The following LRRC4C variants were observed in gnomAD, a reference collection of about 807,000 sequenced individuals.
LRRC4C encodes the protein leucine-rich repeat-containing protein 4C.
In LRRC4C, 5 loss-of-function variants were observed where a neutral mutation model predicts 33.6. The observed-to-expected ratio is 0.15, with a 90% CI of 0.08 to 0.31. The LOEUF (loss-of-function observed/expected upper bound fraction) is 0.31, where lower values mean the gene tolerates loss of function less well. Among genes scored for constraint, LRRC4C ranks in the 10% least tolerant of loss-of-function variants. The probability of loss-of-function intolerance (pLI) is 1.00; values close to 1 mark genes in which losing one functional copy is unlikely to be tolerated. For synonymous variants in LRRC4C, 329 were observed against 302.0 expected (o/e 1.09, Z -0.93); for missense variants, 560 against 796.7 (o/e 0.70, Z 3.58).
At chr11:40,934,226 C>T (rs188049256) in intron 1 of LRRC4C, among the ~76,000 whole-genome samples, 41 of 152,184 alleles carry the variant, frequency 2.7e-4, no homozygotes, top group Admixed American at 2.2e-3. Flanking sequence ...TTCTTTAATA[C>T]CCAGCTGAAA....
At chr11:40,775,921 G>A (rs991646074) in intron 2 of LRRC4C, among the ~76,000 whole-genome samples, 3 of 152,056 alleles carry the variant, frequency 2.0e-5, no homozygotes, top group African/African-American at 4.8e-5. Flanking sequence ...GTCATAGATG[G>A]GAGTCATTAT....
At chr11:40,957,985 C>T (rs879790741) in intron 1 of LRRC4C, among the ~76,000 whole-genome samples, 5 of 151,666 alleles carry the variant, frequency 3.3e-5, no homozygotes, top group East Asian at 3.9e-4. Context: ...GAGGTGATTA[C>T]GTCCTAAGGG....
chr11:41,093,418 G>A (rs1940571717), intron 1 of LRRC4C, among the ~76,000 whole-genome samples: 1 of 152,180 alleles, frequency 6.6e-6, no homozygotes, highest in African/African-American at 2.4e-5. Context: ...TATGGTGGCA[G>A]CACACAAATT....
intron 3 of LRRC4C, among the ~76,000 whole-genome samples, chr11:40,325,660 A>G (rs1381034498): frequency 6.6e-6 from 1 of 151,980 alleles, no homozygotes. Context: ...CATATTTGCT[A>G]GGATTATATT....
intron 1 of LRRC4C, among the ~76,000 whole-genome samples, chr11:41,424,182 T>C (rs1954962972): frequency 6.6e-6 from 1 of 151,984 alleles, no homozygotes; most frequent in African/African-American, 2.4e-5. Context: ...CATATAAACA[T>C]GTAGCCCTAG....
At chr11:40,809,163 C>T (rs761671463) in intron 2 of LRRC4C, among the ~76,000 whole-genome samples, 1 of 152,134 alleles carries the variant, frequency 6.6e-6, no homozygotes, top group African/African-American at 2.4e-5. Flanking sequence ...TAAAACTTCT[C>T]AAAATAGTTT....
chr11:40,567,530 G>A (rs1278171707), intron 3 of LRRC4C, among the ~76,000 whole-genome samples: 3 of 152,188 alleles, frequency 2.0e-5, no homozygotes, highest in Admixed American at 2.0e-4. Context: ...GCTGATAAGT[G>A]GTCCAGATGG....
chr11:40,545,148 C>A (rs1466389958), intron 3 of LRRC4C, among the ~76,000 whole-genome samples: 1 of 152,040 alleles, frequency 6.6e-6, no homozygotes, highest in Non-Finnish European at 1.5e-5. Flanking sequence ...CATATTTTCA[C>A]AGCACTCTAC....
At chr11:40,696,289 T>TATATATATACACATATATATATATGAG (rs1945514059) in intron 2 of LRRC4C, among the ~76,000 whole-genome samples, 1 of 137,268 alleles carries the variant, frequency 7.3e-6, no homozygotes, top group African/African-American at 3.2e-5. Context: ...CACATATATA[T>TATATATATACACATATATATATATGAG]ATATATATAT....
chr11:40,658,355 A>G (rs1413099250), intron 2 of LRRC4C, among the ~76,000 whole-genome samples: 1 of 152,190 alleles, frequency 6.6e-6, no homozygotes, highest in South Asian at 2.1e-4. Flanking sequence ...TAGAAATCTC[A>G]TCTTATCTCT....
At chr11:40,294,720 G>A (rs974614270) in intron 4 of LRRC4C, among the ~76,000 whole-genome samples, 4 of 152,028 alleles carry the variant, frequency 2.6e-5, no homozygotes, top group Non-Finnish European at 5.9e-5. Context: ...CCAGCTACTC[G>A]GGAGACTGAG....
intron 2 of LRRC4C, among the ~76,000 whole-genome samples, chr11:40,858,899 T>C (rs1158900022): frequency 6.6e-6 from 1 of 152,076 alleles, no homozygotes; most frequent in Non-Finnish European, 1.5e-5. Flanking sequence ...ATAGGTAGAA[T>C]TGATTTCCAT....
At chr11:40,164,382 C>T (rs1165134139) in intron 5 of LRRC4C, among the ~76,000 whole-genome samples, 3 of 152,116 alleles carry the variant, frequency 2.0e-5, no homozygotes, top group Non-Finnish European at 2.9e-5. Flanking sequence ...GCTGGGATTA[C>T]AGGCATGCAC....
chr11:40,962,931 T>C (rs551482173), intron 1 of LRRC4C, among the ~76,000 whole-genome samples: 17 of 151,854 alleles, frequency 1.1e-4, no homozygotes, highest in Admixed American at 8.6e-4. Flanking sequence ...ATTTGCCAAA[T>C]TGAATAGCAA....
chr11:40,239,613 C>A (rs979738271), intron 5 of LRRC4C, among the ~76,000 whole-genome samples: 1 of 152,204 alleles, frequency 6.6e-6, no homozygotes, highest in African/African-American at 2.4e-5. Context: ...AAAACCAACT[C>A]TTCTCCCTTA....
At chr11:41,069,067 C>T (rs1938483715) in intron 1 of LRRC4C, among the ~76,000 whole-genome samples, 1 of 152,122 alleles carries the variant, frequency 6.6e-6, no homozygotes, top group Admixed American at 6.5e-5. Context: ...AGGCTTAAAC[C>T]ACCATGATGA....
intron 1 of LRRC4C, among the ~76,000 whole-genome samples, chr11:41,337,622 C>T (rs1473458415): frequency 6.6e-6 from 1 of 152,086 alleles, no homozygotes; most frequent in African/African-American, 2.4e-5. Context: ...AGGACATAGG[C>T]ATGGGCAAGG....
At chr11:40,628,686 C>T (rs183277538) in intron 3 of LRRC4C, among the ~76,000 whole-genome samples, 17 of 152,192 alleles carry the variant, frequency 1.1e-4, no homozygotes, top group Admixed American at 1.0e-3. Context: ...TCTAACACCA[C>T]GAAGAAAACA....
intron 2 of LRRC4C, among the ~76,000 whole-genome samples, chr11:40,887,490 T>C (rs185631830): frequency 6.6e-5 from 10 of 152,154 alleles, no homozygotes; most frequent in African/African-American, 2.2e-4. Flanking sequence ...TTATGGGAAA[T>C]ACTAAGTATT....
Sources: allele counts gnomAD v4.1 joint callset (sites outside exome capture counted in the v4.1 genomes callset), GRCh38; gene constraint gnomAD v4.1.1; transcripts MANE v1.5; gene names NCBI Gene and HGNC (gene_info 2026-07-23, HGNC 2026-07-21).